EYS: variants seen among roughly 807,000 people sequenced by gnomAD.
EYS encodes the protein protein eyes shut homolog.
Under a neutral mutation model 282.1 loss-of-function variants are expected in EYS, and 250 were observed. The ratio of observed to expected loss-of-function variants is 0.89; its 90% confidence interval spans 0.80 to 0.98. The LOEUF (loss-of-function observed/expected upper bound fraction) is 0.98. EYS is among the 50% of genes least tolerant of loss of function. The probability of loss-of-function intolerance (pLI) is 0.00; values close to 1 mark genes in which losing one functional copy is unlikely to be tolerated. For synonymous variants in EYS, 1,355 were observed against 1,282.9 expected (o/e 1.06, Z -1.20); for missense variants, 4,016 against 3,709.0 (o/e 1.08, Z -2.15).
intron 22 of EYS, among the ~76,000 whole-genome samples, chr6:64,743,472 AT>A (rs113663846): frequency 0.044 from 6,629 of 152,012 alleles, 343 homozygotes; most frequent in East Asian, 0.15. Context: ...TCAATTTTCA[AT>A]TTTTTTTCTA....
intron 36 of EYS, among the ~76,000 whole-genome samples, chr6:63,833,397 A>T (rs1436475789): frequency 6.6e-6 from 1 of 152,204 alleles, no homozygotes; most frequent in Non-Finnish European, 1.5e-5. Flanking sequence ...ATGTGCAAAA[A>T]TCACAAGCAT....
Position 64,634,520 on chromosome 6 carries a change from G to A in EYS, c.3444-8275C>T, listed in dbSNP as rs79471544. 7.1e-4 allele frequency among the ~76,000 whole-genome samples: 102 copies of A among 142,740 alleles called. 2 individuals are homozygous for A. The East Asian group carries it at 0.014, about 19-fold the overall frequency. The allele number at this position is 142,740 out of a possible 152,430, so 93.6% of individuals were successfully genotyped here. On this transcript the variant is annotated intron_variant, in intron 22 of 42. Transcript: ENST00000503581. The stretch of plus-strand genomic sequence containing the variant: ...TGATTTATGAGTGGCTATCTTGTGC[G>A]TATACTCAGTAAGATACCCTAGCTT...
At chr6:65,432,818 G>A (rs1441860713) in intron 5 of EYS, among the ~76,000 whole-genome samples, 1 of 152,124 alleles carries the variant, frequency 6.6e-6, no homozygotes, top group Non-Finnish European at 1.5e-5. Context: ...AAATGGGTGA[G>A]AAGTGGTCAG....
intron 29 of EYS, among the ~76,000 whole-genome samples, chr6:64,363,953 C>T (rs1772108716): frequency 6.6e-6 from 1 of 151,852 alleles, no homozygotes; most frequent in Admixed American, 6.6e-5. Context: ...TCCATAAACC[C>T]CACATTTTTA....
chr6:63,886,081 T>A (rs1773254640), intron 35 of EYS, among the ~76,000 whole-genome samples: 1 of 152,184 alleles, frequency 6.6e-6, no homozygotes, highest in Admixed American at 6.5e-5. Context: ...GTAGTTAGGG[T>A]AAGAATGGGA....
At chr6:65,481,372 T>C (rs1418138537) in intron 5 of EYS, among the ~76,000 whole-genome samples, 1 of 152,198 alleles carries the variant, frequency 6.6e-6, no homozygotes, top group African/African-American at 2.4e-5. Flanking sequence ...TTATTAAGCA[T>C]TCAGCTCTTT....
At chr6:64,141,436 A>G (rs550033686) in intron 31 of EYS, among the ~76,000 whole-genome samples, 1 of 152,342 alleles carries the variant, frequency 6.6e-6, no homozygotes, top group East Asian at 1.9e-4. Flanking sequence ...TACTTTTAAT[A>G]CTGCAGATGA....
chr6:64,998,257 T>G (rs530626398), intron 13 of EYS, among the ~76,000 whole-genome samples: 16 of 152,232 alleles, frequency 1.1e-4, no homozygotes, highest in Non-Finnish European at 2.2e-4. Context: ...CATTTTACCA[T>G]TAATGATGAA....
At chr6:64,862,778 T>C (rs982412569) in intron 19 of EYS, among the ~76,000 whole-genome samples, 4 of 152,100 alleles carry the variant, frequency 2.6e-5, no homozygotes, top group Non-Finnish European at 4.4e-5. Context: ...AATAAGAAAA[T>C]ATATTATTCA....
At chr6:64,313,499 C>T (rs955714977) in intron 29 of EYS, among the ~76,000 whole-genome samples, 21 of 152,094 alleles carry the variant, frequency 1.4e-4, no homozygotes, top group South Asian at 4.1e-4. Flanking sequence ...CCTAACAAGG[C>T]GGATCAACAT....
At chr6:65,150,807 T>C in intron 12 of EYS, among the ~76,000 whole-genome samples, 1 of 152,034 alleles carries the variant, frequency 6.6e-6, no homozygotes, top group Non-Finnish European at 1.5e-5. Context: ...ATCTCCCAAA[T>C]TTATTGTTTA....
intron 22 of EYS, among the ~76,000 whole-genome samples, chr6:64,792,571 T>C (rs1774224310): frequency 6.6e-6 from 1 of 151,978 alleles, no homozygotes; most frequent in Non-Finnish European, 1.5e-5. Context: ...ATGAGATCAA[T>C]TGCCATTGAA....
chr6:65,567,056 A>G (rs558684075), intron 2 of EYS, among the ~76,000 whole-genome samples: 1 of 152,064 alleles, frequency 6.6e-6, no homozygotes. Context: ...CTCTGCCCTC[A>G]TGAATGGATT....
At chr6:64,905,984 GTAT>G (rs1305483145) in intron 16 of EYS, among the ~76,000 whole-genome samples, 2 of 151,352 alleles carry the variant, frequency 1.3e-5, no homozygotes, top group East Asian at 3.9e-4. Flanking sequence ...AGTATTAAAT[GTAT>G]TATTTCTATT....
intron 12 of EYS, among the ~76,000 whole-genome samples, chr6:65,076,550 T>C (rs1774056513): frequency 6.6e-6 from 1 of 152,172 alleles, no homozygotes; most frequent in South Asian, 2.1e-4. Context: ...AACTTATTTG[T>C]TCAGGTTTAC....
At chr6:64,931,683 T>A (rs1768727944) in intron 15 of EYS, among the ~76,000 whole-genome samples, 1 of 152,090 alleles carries the variant, frequency 6.6e-6, no homozygotes, top group Non-Finnish European at 1.5e-5. Context: ...CAGTGAACTA[T>A]ATATAAAAAA....
intron 30 of EYS, among the ~76,000 whole-genome samples, chr6:64,238,518 T>C (rs1766686382): frequency 6.6e-6 from 1 of 152,048 alleles, no homozygotes; most frequent in Non-Finnish European, 1.5e-5. Flanking sequence ...CTCTAATAGG[T>C]AGTTTTTCAT....
intron 5 of EYS, among the ~76,000 whole-genome samples, chr6:65,472,171 T>C (rs1450406337): frequency 6.6e-6 from 1 of 152,042 alleles, no homozygotes; most frequent in Admixed American, 6.6e-5. Context: ...AACGAAATCA[T>C]AGAGTTGGAA....
chr6:63,950,971 T>A (rs1179317122), intron 35 of EYS, among the ~76,000 whole-genome samples: 1 of 152,122 alleles, frequency 6.6e-6, no homozygotes, highest in Admixed American at 6.5e-5. Context: ...GGATGCCTGC[T>A]TGATTATTCA....
Sources: gnomAD v4.1 joint callset for allele counts (sites outside exome capture counted in the v4.1 genomes callset) on GRCh38, gnomAD v4.1.1 for gene constraint, MANE v1.5 for transcripts, NCBI Gene and HGNC (gene_info 2026-07-23, HGNC 2026-07-21) for gene names.